Variants in FYN observed in about 807,000 individuals in gnomAD.
FYN encodes FYN proto-oncogene, Src family tyrosine kinase.
Under a neutral mutation model 70.2 loss-of-function variants are expected in FYN, and 10 were observed. That is an observed-to-expected ratio of 0.14 (90% CI 0.09 to 0.24). The LOEUF is 0.24. FYN is among the 10% of genes least tolerant of loss of function. The pLI, the probability that FYN is intolerant of heterozygous loss-of-function variation, is 1.00. For missense variants in FYN, 319 were observed against 673.1 expected, an observed-to-expected ratio of 0.47 and a Z score of 5.82; for synonymous variants, 236 against 248.6, an observed-to-expected ratio of 0.95 and a Z score of 0.48.
intron 3 of FYN, among the ~76,000 whole-genome samples, chr6:111,724,716 C>T (rs1289419009): frequency 6.6e-6 from 1 of 152,184 alleles, no homozygotes; most frequent in East Asian, 1.9e-4. Context: ...GCTCTTTTGT[C>T]TCAGAAGCCA....
chr6:111,862,014 A>G (rs774982712), intron 1 of FYN, among the ~76,000 whole-genome samples: 16 of 152,172 alleles, frequency 1.1e-4, no homozygotes, highest in Non-Finnish European at 1.9e-4. Flanking sequence ...TGGGCTATAC[A>G]TGGCAGAGGC....
intron 2 of FYN, among the ~76,000 whole-genome samples, chr6:111,805,421 G>C (rs916856482): frequency 2.6e-5 from 4 of 152,172 alleles, no homozygotes; most frequent in African/African-American, 7.2e-5. Flanking sequence ...AAATTTAACT[G>C]GGTGTCCTAT....
chr6:111,741,387 T>C (rs1269597864), intron 3 of FYN, among the ~76,000 whole-genome samples: 1 of 152,202 alleles, frequency 6.6e-6, no homozygotes. Context: ...GATGTTTATG[T>C]ATGTACACAC....
rs1800415585 is a variant in FYN, at chr6:111,712,226, G to T, written c.344+2121C>A. ...TGTGGACAAAGCCTCCTGAGAGCTGGGTCTGCACTCTTACTATTCCTTGGT... is the reference window on the plus strand; with the variant it reads ...TGTGGACAAAGCCTCCTGAGAGCTGTGTCTGCACTCTTACTATTCCTTGGT... On this transcript the variant is annotated intron_variant, in intron 5 of 13. Coordinates refer to ENST00000354650, the MANE Select transcript of FYN (RefSeq NM_002037.5). Among the ~76,000 whole-genome samples, 2 of 152,160 alleles carry T rather than the reference G, an allele frequency of 1.3e-5. 1 individual carries two copies. The highest frequency in any genetic ancestry group is 4.1e-4 in the South Asian group (2 of 4,830).
intron 3 of FYN, among the ~76,000 whole-genome samples, chr6:111,763,138 C>T (rs1224517084): frequency 6.6e-6 from 1 of 152,238 alleles, no homozygotes; most frequent in Non-Finnish European, 1.5e-5. Flanking sequence ...AAGTCACCCC[C>T]TCCTTCACCT....
At chr6:111,868,267 T>C (rs1294250541) in intron 1 of FYN, among the ~76,000 whole-genome samples, 5 of 152,154 alleles carry the variant, frequency 3.3e-5, no homozygotes. Context: ...CGGGACAGGA[T>C]CACATCTCTT....
chr6:111,678,150 G>GTGTGTGTGTGTGTGTGT (rs3220548), intron 12 of FYN, among the ~76,000 whole-genome samples: 1 of 119,802 alleles, frequency 8.3e-6, no homozygotes, highest in African/African-American at 3.9e-5. Flanking sequence ...GTGTGTGTGT[G>GTGTGTGTGTGTGTGTGT]GTGTGTGTAC....
intron 1 of FYN, among the ~76,000 whole-genome samples, chr6:111,865,534 T>C (rs1774080459): frequency 6.6e-6 from 1 of 152,226 alleles, no homozygotes. Flanking sequence ...TGTCACTTAT[T>C]CCTAAGTTGT....
At chr6:111,830,250 A>C (rs1326499136) in intron 2 of FYN, among the ~76,000 whole-genome samples, 1 of 152,202 alleles carries the variant, frequency 6.6e-6, no homozygotes, top group Non-Finnish European at 1.5e-5. Flanking sequence ...ACAGGGGCAG[A>C]GTGTCAGCAG....
intron 2 of FYN, among the ~76,000 whole-genome samples, chr6:111,796,451 T>C (rs1470401150): frequency 1.3e-5 from 2 of 152,148 alleles, no homozygotes; most frequent in East Asian, 3.8e-4. Context: ...AGAGACTAGG[T>C]GTGTAGTAGG....
At chr6:111,823,665 G>A (rs1772744747) in intron 2 of FYN, among the ~76,000 whole-genome samples, 1 of 151,856 alleles carries the variant, frequency 6.6e-6, no homozygotes, top group Admixed American at 6.6e-5. Flanking sequence ...CTACACACTC[G>A]CAGGCTCTGC....
intron 3 of FYN, among the ~76,000 whole-genome samples, chr6:111,722,580 A>G (rs1479803943): frequency 6.6e-6 from 1 of 152,198 alleles, no homozygotes; most frequent in Non-Finnish European, 1.5e-5. Flanking sequence ...TAATTAGAGA[A>G]TGTGAGACCT....
chr6:111,721,493 G>T (rs539574537), intron 3 of FYN, among the ~76,000 whole-genome samples: 1 of 152,038 alleles, frequency 6.6e-6, no homozygotes, highest in Non-Finnish European at 1.5e-5. Flanking sequence ...GCAGTGGAGC[G>T]ATCTTGGCTC....
intron 2 of FYN, among the ~76,000 whole-genome samples, chr6:111,804,250 C>G (rs9487724): frequency 0.2 from 31,090 of 152,088 alleles, 5,234 homozygotes; most frequent in African/African-American, 0.47. Context: ...GAAGAACACC[C>G]ACATCCCCTG....
Position 111,714,336 on chromosome 6 carries a change from T to A in FYN, c.344+11A>T, listed in dbSNP as rs1800521523. 6.3e-7 allele frequency: 1 copy of A among 1,597,068 alleles called. No homozygotes were observed. Among genetic ancestry groups the A allele is most frequent in the Admixed American group, 1.7e-5 (1 of 59,980 alleles). On this transcript the variant is annotated intron_variant, in intron 5 of 13. Coordinates refer to ENST00000354650, the MANE Select transcript of FYN (RefSeq NM_002037.5). Reference sequence around the variant, plus strand: ...AAGGTATACATGCTTCTCCTCCCTCTCCAAACTTACGAGCTGTTCAATATT... The same window carrying A: ...AAGGTATACATGCTTCTCCTCCCTCACCAAACTTACGAGCTGTTCAATATT...
At chr6:111,800,073 T>C (rs760549254) in intron 2 of FYN, among the ~76,000 whole-genome samples, 8 of 152,224 alleles carry the variant, frequency 5.3e-5, no homozygotes, top group Non-Finnish European at 1.0e-4. Flanking sequence ...TTTAAAATGC[T>C]TGTTGATGCC....
At chr6:111,779,910 T>C (rs1771106834) in intron 3 of FYN, among the ~76,000 whole-genome samples, 1 of 152,232 alleles carries the variant, frequency 6.6e-6, no homozygotes, top group African/African-American at 2.4e-5. Flanking sequence ...CCCTATGATG[T>C]AGGTAACATG....
intron 3 of FYN, among the ~76,000 whole-genome samples, chr6:111,734,925 A>C (rs149078353): frequency 2.2e-4 from 33 of 152,330 alleles, no homozygotes; most frequent in African/African-American, 7.7e-4. Context: ...CTCTGTCCTC[A>C]GGGAGCTAAT....
chr6:111,707,156 C>A (rs1800128679), intron 6 of FYN, among the ~76,000 whole-genome samples: 1 of 152,184 alleles, frequency 6.6e-6, no homozygotes, highest in Non-Finnish European at 1.5e-5. Context: ...CAGGAGGAGG[C>A]CAAGTTCCTG....
Sources: allele counts gnomAD v4.1 joint callset (sites outside exome capture counted in the v4.1 genomes callset), GRCh38; gene constraint gnomAD v4.1.1; transcripts MANE v1.5; gene names NCBI Gene and HGNC (gene_info 2026-07-23, HGNC 2026-07-21).